The following DCX variants were observed in gnomAD, a reference collection of about 807,000 sequenced individuals.
DCX encodes the protein doublecortin.
DCX carries 4 observed loss-of-function variants against 20.9 expected under a neutral mutation model. The observed-to-expected ratio is 0.19, with a 90% CI of 0.09 to 0.44. The LOEUF (loss-of-function observed/expected upper bound fraction) is 0.44, where lower values mean the gene tolerates loss of function less well. Among genes scored for constraint, DCX ranks in the 20% least tolerant of loss-of-function variants. DCX has a pLI of 0.99. For synonymous variants in DCX, 103 were observed against 111.4 expected, an observed-to-expected ratio of 0.92 and a Z score of 0.47; for missense variants, 133 against 296.9, an observed-to-expected ratio of 0.45 and a Z score of 4.06.
At chrX:111,408,766 G>T (rs1199451019) in intron 2 of DCX, among the ~76,000 whole-genome samples, 1 of 111,745 alleles carries the variant, frequency 8.9e-6, no homozygotes, top group Non-Finnish European at 1.9e-5. Flanking sequence ...ATAAGTAACT[G>T]GTCCCAATCA....
At chrX:111,336,589 G>T (rs1464136061) in intron 3 of DCX, among the ~76,000 whole-genome samples, 1 of 112,070 alleles carries the variant, frequency 8.9e-6, no homozygotes, top group Non-Finnish European at 1.9e-5. Context: ...TAAATAAGAA[G>T]AACTCAAAGC....
At chrX:111,400,008 A>G (rs1927646646) in intron 3 of DCX, among the ~76,000 whole-genome samples, 1 of 112,239 alleles carries the variant, frequency 8.9e-6, no homozygotes, top group African/African-American at 3.2e-5. Flanking sequence ...TTGAACACTC[A>G]TCAGTAACTT....
chrX:111,403,343 T>C (rs970434226), intron 2 of DCX, among the ~76,000 whole-genome samples: 11 of 112,299 alleles, frequency 9.8e-5, no homozygotes, highest in Non-Finnish European at 1.7e-4. Flanking sequence ...GTCAGCTGTG[T>C]AGCCCTATTA....
intron 3 of DCX, among the ~76,000 whole-genome samples, chrX:111,383,420 G>A (rs748454024): frequency 2.7e-5 from 3 of 111,578 alleles, no homozygotes; most frequent in Admixed American, 9.5e-5. Context: ...AGGAGACCTG[G>A]GAAATGAAAA....
At chrX:111,361,616 C>A (rs1924216598) in intron 3 of DCX, among the ~76,000 whole-genome samples, 1 of 112,013 alleles carries the variant, frequency 8.9e-6, no homozygotes, top group African/African-American at 3.2e-5. Flanking sequence ...AAAAATAAAC[C>A]AATCCCAAAT....
At chrX:111,381,969 C>T (rs1186109859) in intron 3 of DCX, among the ~76,000 whole-genome samples, 4 of 111,649 alleles carry the variant, frequency 3.6e-5, no homozygotes. Context: ...ATCCCTGTAC[C>T]TTATTTTGAA....
intron 5 of DCX, among the ~76,000 whole-genome samples, chrX:111,315,966 T>C (rs1603413194): frequency 2.0e-5 from 1 of 50,117 alleles, no homozygotes; most frequent in South Asian, 1.4e-3. Context: ...CATTGGGAGA[T>C]ATACCTAATG....
intron 3 of DCX, among the ~76,000 whole-genome samples, chrX:111,390,945 G>A (rs979760594): frequency 1.6e-4 from 17 of 106,592 alleles, no homozygotes; most frequent in Non-Finnish European, 2.9e-4. Flanking sequence ...GATGAGGCTT[G>A]CAGTGAGCCA....
At position 111,401,266 on chromosome X, in the gene DCX, A is replaced by G. The variant is rs761104151; in HGVS notation, c.429T>C (p.Asn143=). 1.3e-4 allele frequency: 153 copies of G among 1,209,989 alleles called. No homozygotes were observed. The highest frequency in any genetic ancestry group is 1.6e-4 in the Non-Finnish European group (144 of 895,233). Residue 143 remains asparagine, a synonymous_variant, in exon 3 of 7, where the codon AAT becomes AAC. Transcript: ENST00000636035. Reference sequence around the variant, plus strand: ...TTTTTACGTTGACAGACCAGTTGGGATTGACATTCTTGGTGTACTCCACCT... The same window carrying G: ...TTTTTACGTTGACAGACCAGTTGGGGTTGACATTCTTGGTGTACTCCACCT... ...FKKVEYTKNV[N]PNWSVNVKTS... is the part of the protein sequence containing the mutation.
At chrX:111,350,145 C>G (rs776814542) in intron 3 of DCX, among the ~76,000 whole-genome samples, 1 of 111,309 alleles carries the variant, frequency 9.0e-6, no homozygotes, top group South Asian at 3.9e-4. Flanking sequence ...GTTAGTGCTC[C>G]CCATTGGCTA....
chrX:111,323,350 T>C (rs1354439825), intron 5 of DCX, among the ~76,000 whole-genome samples: 4 of 111,905 alleles, frequency 3.6e-5, no homozygotes, highest in Non-Finnish European at 7.5e-5. Context: ...GATGATTACA[T>C]GGCAGACTAT....
chrX:111,396,060 A>G (rs1244159854), intron 3 of DCX, among the ~76,000 whole-genome samples: 2 of 112,655 alleles, frequency 1.8e-5, no homozygotes, highest in Non-Finnish European at 3.8e-5. Flanking sequence ...TTGTGCTTAC[A>G]GCACCCAGTT....
intron 6 of DCX, among the ~76,000 whole-genome samples, chrX:111,310,465 G>A (rs1455053530): frequency 9.0e-6 from 1 of 111,275 alleles, no homozygotes; most frequent in Non-Finnish European, 1.9e-5. Flanking sequence ...ATAAGTAAAT[G>A]AGGCAAAATA....
At chrX:111,364,026 G>A (rs977754126) in intron 3 of DCX, among the ~76,000 whole-genome samples, 4 of 112,085 alleles carry the variant, frequency 3.6e-5, no homozygotes, top group Non-Finnish European at 7.5e-5. Context: ...GAAGACGCAA[G>A]CACGGTAAAG....
rs1036994229 is a variant in DCX, at chrX:111,369,624, C to T, written c.705+31366G>A. ...CAGGGAACATGTGAAAAAGTGGTGGCCCTACGACTGGCACACTGCAAATCA... is the reference window on the plus strand; with the variant it reads ...CAGGGAACATGTGAAAAAGTGGTGGTCCTACGACTGGCACACTGCAAATCA... On this transcript the variant is annotated intron_variant, in intron 3 of 6. Transcript: ENST00000636035. Among the ~76,000 whole-genome samples, 5 of 111,723 alleles carry T rather than the reference C, an allele frequency of 4.5e-5. No individual in the cohort carries two copies. In the East Asian group the frequency reaches 8.5e-4, roughly 19 times the overall value.
chrX:111,333,591 T>C (rs1472847860), intron 3 of DCX, among the ~76,000 whole-genome samples: 1 of 112,042 alleles, frequency 8.9e-6, no homozygotes, highest in Non-Finnish European at 1.9e-5. Context: ...AGTGGAAATG[T>C]GCTGCTTCAT....
chrX:111,309,253 C>G (rs1232459275), intron 6 of DCX, among the ~76,000 whole-genome samples: 1 of 112,253 alleles, frequency 8.9e-6, no homozygotes, highest in African/African-American at 3.2e-5. Context: ...CCACAGCCAT[C>G]AAAAATTACC....
chrX:111,319,955 C>T (rs780050688), intron 5 of DCX, among the ~76,000 whole-genome samples: 2 of 112,223 alleles, frequency 1.8e-5, no homozygotes, highest in East Asian at 2.8e-4. Context: ...CCATTACTCT[C>T]CCTTTTAAAA....
At chrX:111,324,208 G>C (rs995352022) in intron 5 of DCX, among the ~76,000 whole-genome samples, 4 of 111,219 alleles carry the variant, frequency 3.6e-5, no homozygotes, top group Middle Eastern at 4.2e-3. Flanking sequence ...AGCCTCCTTT[G>C]ATAAGCCATA....
Sources: allele counts gnomAD v4.1 joint callset (sites outside exome capture counted in the v4.1 genomes callset), GRCh38; gene constraint gnomAD v4.1.1; transcripts MANE v1.5; gene names NCBI Gene and HGNC (gene_info 2026-07-23, HGNC 2026-07-21).